The following SORCS2 variants were observed in gnomAD, a reference collection of about 807,000 sequenced individuals.
The protein encoded by SORCS2 is VPS10 domain-containing receptor SorCS2.
In SORCS2, 100 loss-of-function variants were observed where a neutral mutation model predicts 141.6. That is an observed-to-expected ratio of 0.71 (90% confidence interval 0.60 to 0.83). The LOEUF is 0.83. Ranked by LOEUF, SORCS2 falls within the 40% of genes least tolerant of loss-of-function variation. The pLI is 0.00. For missense variants in SORCS2, 1,646 were observed against 1,560.2 expected, an observed-to-expected ratio of 1.05 and a Z score of -0.93; for synonymous variants, 789 against 676.9, an observed-to-expected ratio of 1.17 and a Z score of -2.57.
chr4:7,561,643 T>G (rs1047608051), intron 3 of SORCS2, among the ~76,000 whole-genome samples: 5 of 151,900 alleles, frequency 3.3e-5, no homozygotes, highest in Non-Finnish European at 5.9e-5. Context: ...CATCTACCCA[T>G]CCATCCGTCT....
At chr4:7,682,320 T>C (rs1389456868) in intron 9 of SORCS2, among the ~76,000 whole-genome samples, 1 of 152,128 alleles carries the variant, frequency 6.6e-6, no homozygotes, top group Non-Finnish European at 1.5e-5. Context: ...GGCAATTCTA[T>C]TGGTCCAGGA....
chr4:7,724,933 T>TGGTG lies in SORCS2; in HGVS notation c.2612-221_2612-220insGGTG, dbSNP rs1727083124. 3.6e-5 allele frequency among the ~76,000 whole-genome samples: 3 copies of TGGTG among 83,602 alleles called. 1 individual carries two copies. Among genetic ancestry groups the TGGTG allele is most frequent in the Admixed American group, 2.9e-4 (2 of 6,810 alleles). 54.8% of individuals were successfully genotyped at this position (83,602 alleles called of 152,430 possible). On this transcript the variant is annotated intron_variant, in intron 19 of 26. Coordinates refer to ENST00000507866, the MANE Select transcript of SORCS2 (RefSeq NM_020777.3). Reference sequence around the variant, plus strand: ...TATTGGTGGGAATGGATGGTGGTAGTAGTGGTGATGGTGGTGGTGTTGGTG... The same window carrying TGGTG: ...TATTGGTGGGAATGGATGGTGGTAGTGGTGAGTGGTGATGGTGGTGGTGTTGGTG...
At chr4:7,396,605 T>TG (rs1213021828) in intron 2 of SORCS2, among the ~76,000 whole-genome samples, 2 of 152,262 alleles carry the variant, frequency 1.3e-5, no homozygotes, top group Non-Finnish European at 2.9e-5. Flanking sequence ...CTTTTCTTTC[T>TG]GTTTTTCTCC....
At chr4:7,704,607 G>A (rs573142138) in intron 14 of SORCS2, among the ~76,000 whole-genome samples, 26 of 152,282 alleles carry the variant, frequency 1.7e-4, no homozygotes, top group African/African-American at 3.4e-4. Flanking sequence ...TGACCCTCTC[G>A]TCACCCATCC....
intron 2 of SORCS2, among the ~76,000 whole-genome samples, chr4:7,451,300 T>C (rs1577585414): frequency 6.6e-6 from 1 of 152,216 alleles, no homozygotes; most frequent in Admixed American, 6.5e-5. Flanking sequence ...GCAGCGGCAG[T>C]GGGGCCTGGT....
intron 1 of SORCS2, among the ~76,000 whole-genome samples, chr4:7,283,559 C>T (rs889799049): frequency 6.6e-6 from 1 of 152,166 alleles, no homozygotes; most frequent in South Asian, 2.1e-4. Context: ...GAACAGTGTT[C>T]CCCTACTCTG....
intron 2 of SORCS2, among the ~76,000 whole-genome samples, chr4:7,403,405 T>C (rs1386647017): frequency 6.6e-6 from 1 of 152,180 alleles, no homozygotes; most frequent in Non-Finnish European, 1.5e-5. Context: ...TTAAGACTTC[T>C]GCTCAACTCA....
intron 4 of SORCS2, among the ~76,000 whole-genome samples, chr4:7,643,608 T>C (rs561193144): frequency 9.5e-4 from 144 of 152,170 alleles, no homozygotes; most frequent in African/African-American, 3.4e-3. Flanking sequence ...AAAGAATGGA[T>C]CAGAATGTAT....
In SORCS2 at chr4:7,201,157, G is replaced by A. The variant is rs1727464304; in HGVS notation, c.480+8031G>A. On this transcript the variant is annotated intron_variant, in intron 1 of 26. Coordinates refer to ENST00000507866, the MANE Select transcript of SORCS2 (RefSeq NM_020777.3). This position sits in a 1 kb window ranked among gnomAD's most constrained non-coding sequence, Gnocchi z 4.4. ...GAGGAGGTGAAGATGGAGCTGCTCT[G>A]CAGGATGAGTAGAGTCCCGGGCTGA... 2.0e-5 allele frequency among the ~76,000 whole-genome samples: 3 copies of A among 152,222 alleles called. No homozygotes were observed. The highest frequency in any genetic ancestry group is 2.0e-4 in the Admixed American group (3 of 15,284).
chr4:7,596,186 G>C (rs1448174742), intron 3 of SORCS2, among the ~76,000 whole-genome samples: 1 of 152,182 alleles, frequency 6.6e-6, no homozygotes, highest in South Asian at 2.1e-4. Context: ...CGATAGAATA[G>C]ATTTGTGAGC....
At chr4:7,692,466 A>G (rs1282279658) in intron 11 of SORCS2, among the ~76,000 whole-genome samples, 2 of 152,206 alleles carry the variant, frequency 1.3e-5, no homozygotes, top group African/African-American at 4.8e-5. Flanking sequence ...CTCCACTGTA[A>G]GGATGAGACA....
intron 1 of SORCS2, among the ~76,000 whole-genome samples, chr4:7,345,166 C>T (rs543154393): frequency 3.3e-5 from 5 of 152,272 alleles, no homozygotes; most frequent in African/African-American, 9.6e-5. Flanking sequence ...AACTTTGGAG[C>T]GGTAGAAGCT....
chr4:7,428,629 G>A (rs547746382), intron 2 of SORCS2, among the ~76,000 whole-genome samples: 38 of 152,304 alleles, frequency 2.5e-4, no homozygotes, highest in Non-Finnish European at 5.0e-4. Flanking sequence ...GGGACTGAGA[G>A]GAGCATGTCT....
chr4:7,681,154 G>T (rs1335997682), intron 9 of SORCS2, among the ~76,000 whole-genome samples: 1 of 152,156 alleles, frequency 6.6e-6, no homozygotes, highest in African/African-American at 2.4e-5. Flanking sequence ...GGGGGTCAGG[G>T]GAGGGACTGC....
At chr4:7,311,634 C>T (rs769620711) in intron 1 of SORCS2, among the ~76,000 whole-genome samples, 67 of 152,186 alleles carry the variant, frequency 4.4e-4, no homozygotes, top group Non-Finnish European at 7.1e-4. Flanking sequence ...TTTGCATTTC[C>T]GTGATGATGA....
chr4:7,399,469 G>A (rs1724430423), intron 2 of SORCS2, among the ~76,000 whole-genome samples: 1 of 152,158 alleles, frequency 6.6e-6, no homozygotes, highest in Non-Finnish European at 1.5e-5. Flanking sequence ...TAATTGTCCT[G>A]CATTTGACGG....
rs540413730 is a variant in SORCS2 at position 7,328,321 on chromosome 4, C to G, written c.481-67967C>G. On this transcript the variant is annotated intron_variant, in intron 1 of 26. Coordinates refer to ENST00000507866, the MANE Select transcript of SORCS2 (RefSeq NM_020777.3). ...AAAGTGCTGGGTTTACAGGCATGAGCCACCGCACCCGGCCCGTGCTAGGCT... is the reference window on the plus strand; with the variant it reads ...AAAGTGCTGGGTTTACAGGCATGAGGCACCGCACCCGGCCCGTGCTAGGCT... 5.3e-5 allele frequency among the ~76,000 whole-genome samples: 8 copies of G among 151,920 alleles called. No individual in the cohort carries two copies. The South Asian group carries it at 1.7e-3, about 32-fold the overall frequency.
intron 2 of SORCS2, among the ~76,000 whole-genome samples, chr4:7,421,976 C>T (rs907498606): frequency 3.9e-5 from 6 of 152,074 alleles, no homozygotes; most frequent in Non-Finnish European, 5.9e-5. Flanking sequence ...CTTCCCTTGT[C>T]GACCCCCACC....
intron 2 of SORCS2, 71 bp downstream of exon 2, chr4:7,396,426 AC>A: frequency 6.6e-7 from 1 of 1,523,310 alleles, no homozygotes; most frequent in Admixed American, 1.8e-5. Flanking sequence ...TCAGCTGAGG[AC>A]CGAGATCCAA....
Sources: allele counts gnomAD v4.1 joint callset (sites outside exome capture counted in the v4.1 genomes callset), GRCh38; gene constraint gnomAD v4.1.1; non-coding constraint Gnocchi (gnomAD v3.1); transcripts MANE v1.5; gene names NCBI Gene and HGNC (gene_info 2026-07-23, HGNC 2026-07-21).